Variants in SNX8 observed in about 807,000 individuals in gnomAD.
The protein encoded by SNX8 is sorting nexin 8, also known as sorting nexin-8.
SNX8 carries 25 observed loss-of-function variants against 51.6 expected under a neutral mutation model. The observed-to-expected ratio is 0.48, with a 90% CI of 0.35 to 0.68. The LOEUF is 0.68. SNX8 is among the 30% of genes least tolerant of loss of function. The pLI is 0.00. For synonymous variants in SNX8, 324 were observed against 277.0 expected (o/e 1.17, Z -1.68); for missense variants, 695 against 624.0 (o/e 1.11, Z -1.21).
intron 1 of SNX8, among the ~76,000 whole-genome samples, chr7:2,340,092 C>T (rs1331477822): frequency 1.0e-4 from 15 of 149,034 alleles, no homozygotes; most frequent in African/African-American, 3.7e-4. Flanking sequence ...AGACAGAGTT[C>T]CGCTCTTATT....
At chr7:2,339,938 C>A (rs1014080538) in intron 1 of SNX8, among the ~76,000 whole-genome samples, 2 of 151,958 alleles carry the variant, frequency 1.3e-5, no homozygotes, top group African/African-American at 2.4e-5. Flanking sequence ...ATTTATGGAA[C>A]AAAGAGTGCT....
intron 7 of SNX8, among the ~76,000 whole-genome samples, chr7:2,261,485 T>C (rs1327588748): frequency 6.6e-6 from 1 of 152,212 alleles, no homozygotes; most frequent in Non-Finnish European, 1.5e-5. Flanking sequence ...TCCAACCCCC[T>C]TGTATTTAAT....
At chr7:2,321,947 C>T (rs966597992) in intron 1 of SNX8, among the ~76,000 whole-genome samples, 1 of 150,200 alleles carries the variant, frequency 6.7e-6, no homozygotes, top group African/African-American at 2.5e-5. Flanking sequence ...TGGTCTCGAA[C>T]TCCTGGCCTC....
intron 2 of SNX8, among the ~76,000 whole-genome samples, chr7:2,276,199 G>A (rs1438341405): frequency 1.3e-5 from 2 of 152,124 alleles, no homozygotes; most frequent in Non-Finnish European, 1.5e-5. Context: ...GGCAGGCAAC[G>A]GCACGTCTCA....
chr7:2,329,750 C>T (rs1474194437), intron 1 of SNX8, among the ~76,000 whole-genome samples: 4 of 151,812 alleles, frequency 2.6e-5, no homozygotes, highest in Non-Finnish European at 5.9e-5. Context: ...GAAAGTGGCA[C>T]GGGGAGGGGT....
rs1462275656 is a variant in SNX8, at chr7:2,269,530, AAAAAAAAAG to A, written c.621+20_621+28del. 2 of 1,350,866 alleles carry A rather than the reference AAAAAAAAAG, an allele frequency of 1.5e-6. No homozygotes were observed. Among genetic ancestry groups the A allele is most frequent in the Non-Finnish European group, 2.0e-6 (2 of 1,000,574 alleles). 83.7% of individuals were successfully genotyped at this position (1,350,866 alleles called of 1,614,324 possible). ...ATCAATAAAAAAATAAATTAAAAAAAAAAAAAAAGAAAAAAAAAAGAAAAATACCTTGGC... is the reference window on the plus strand; with the variant it reads ...ATCAATAAAAAAATAAATTAAAAAAAAAAAAAAAAAGAAAAATACCTTGGC... On this transcript the variant is annotated intron_variant, in intron 5 of 10. Transcript: ENST00000222990.
At chr7:2,257,229 T>G in intron 9 of SNX8, 136 bp downstream of exon 9, 1 of 1,195,966 alleles carries the variant, frequency 8.4e-7, no homozygotes. Flanking sequence ...GCCAGCTCCC[T>G]GCCTCCACTG....
intron 4 of SNX8, among the ~76,000 whole-genome samples, chr7:2,270,314 CAA>C (rs57983721): frequency 4.2e-4 from 24 of 57,086 alleles, no homozygotes; most frequent in Admixed American, 6.5e-4. Context: ...TCTCATTTTA[CAA>C]AAAAAAAAAA....
intron 1 of SNX8, among the ~76,000 whole-genome samples, chr7:2,311,044 G>A (rs191625415): frequency 2.0e-5 from 3 of 152,164 alleles, no homozygotes; most frequent in Non-Finnish European, 4.4e-5. Flanking sequence ...TCCATGTATG[G>A]CATAACTGAA....
intron 1 of SNX8, among the ~76,000 whole-genome samples, chr7:2,353,201 C>G (rs944455090): frequency 6.6e-6 from 1 of 152,044 alleles, no homozygotes; most frequent in Non-Finnish European, 1.5e-5. Context: ...CTTAATGTCA[C>G]TGAACTGTAC....
chr7:2,275,345 C>A lies in SNX8; in HGVS notation c.301-116G>T. On this transcript the variant is annotated intron_variant, in intron 2 of 10. Transcript: ENST00000222990. ...CCAAGTGCATCTTCTCTCACCAGGC[C>A]TTTACTAAATGGAGAAACCCTGTGA... 2.4e-5 allele frequency: 18 copies of A among 736,660 alleles called. No individual in the cohort carries two copies. The South Asian group carries it at 2.6e-4, about 11-fold the overall frequency. 45.6% of individuals were successfully genotyped at this position (736,660 alleles called of 1,614,324 possible).
chr7:2,336,078 G>C (rs897165173), intron 1 of SNX8, among the ~76,000 whole-genome samples: 2 of 150,398 alleles, frequency 1.3e-5, no homozygotes, highest in African/African-American at 2.4e-5. Flanking sequence ...ACTCCAGCCT[G>C]GGTGACAGTG....
intron 1 of SNX8, among the ~76,000 whole-genome samples, chr7:2,284,607 C>T (rs574881341): frequency 0.012 from 1,844 of 150,704 alleles, 22 homozygotes; most frequent in Middle Eastern, 0.039. Context: ...GTTTTCACCA[C>T]GTTGGCCAGG....
chr7:2,273,387 A>C (rs937822309), intron 3 of SNX8, among the ~76,000 whole-genome samples: 12 of 150,924 alleles, frequency 8.0e-5, no homozygotes, highest in African/African-American at 2.9e-4. Context: ...GATTGAGACC[A>C]TCCTAACACG....
At chr7:2,301,140 G>C (rs1796381418) in intron 1 of SNX8, among the ~76,000 whole-genome samples, 1 of 152,168 alleles carries the variant, frequency 6.6e-6, no homozygotes, top group Admixed American at 6.5e-5. Flanking sequence ...TTATGAGAAA[G>C]GTCTGTGCAA....
chr7:2,268,713 C>A (rs1209042375), intron 5 of SNX8, among the ~76,000 whole-genome samples: 1 of 22,006 alleles, frequency 4.5e-5, no homozygotes, highest in Non-Finnish European at 1.7e-4. Context: ...CCGCCCCGTC[C>A]GGGAGGGAGG....
rs759246670 is a variant in SNX8, at chr7:2,269,550, G to GA, written c.621+8dup. ...AAAAAAAAAAAAAAGAAAAAAAAAA[G>GA]AAAAATACCTTGGCCCTGGTAGCCA... is the stretch of plus-strand genomic sequence containing the variant. On this transcript the variant is annotated intron_variant, in intron 5 of 10. Coordinates refer to ENST00000222990, the MANE Select transcript of SNX8 (RefSeq NM_013321.4). The GA allele has an allele frequency of 7.0e-6, 9 of 1,284,920 alleles. No individual in the cohort carries two copies. Among genetic ancestry groups the GA allele is most frequent in the Non-Finnish European group, 9.3e-6 (9 of 969,594 alleles). 79.6% of individuals were successfully genotyped at this position (1,284,920 alleles called of 1,614,324 possible).
Position 2,269,666 on chromosome 7 carries a change from C to T in SNX8, c.541-27G>A, listed in dbSNP as rs768425553. The T allele has an allele frequency of 4.6e-6, 7 of 1,512,108 alleles. No individual in the cohort carries two copies. The South Asian group carries it at 6.1e-5, about 13-fold the overall frequency. 93.7% of individuals were successfully genotyped at this position (1,512,108 alleles called of 1,614,324 possible). A position where few individuals can be genotyped will look rare whatever the true frequency, so the allele number is the denominator to read the frequency against. On this transcript the variant is annotated intron_variant, in intron 4 of 10. Coordinates refer to ENST00000222990, the MANE Select transcript of SNX8 (RefSeq NM_013321.4). ...TGCAAAAGGAAAACACACAGCTTCACCCTCTTCTACTAGCAGCAAGAAAGC... is the reference window on the plus strand; with the variant it reads ...TGCAAAAGGAAAACACACAGCTTCATCCTCTTCTACTAGCAGCAAGAAAGC...
chr7:2,276,683 G>A (rs1169364039), intron 2 of SNX8, among the ~76,000 whole-genome samples: 2 of 150,040 alleles, frequency 1.3e-5, no homozygotes, highest in Admixed American at 1.3e-4. Flanking sequence ...GGTGGCTCAC[G>A]CCTGTAATCC....
Sources: allele counts gnomAD v4.1 joint callset (sites outside exome capture counted in the v4.1 genomes callset), GRCh38; gene constraint gnomAD v4.1.1; transcripts MANE v1.5; gene names NCBI Gene and HGNC (gene_info 2026-07-23, HGNC 2026-07-21).